The following ACVR2A variants were observed in gnomAD, a reference collection of about 807,000 sequenced individuals.
ACVR2A encodes activin A receptor type 2A.
ACVR2A carries 7 observed loss-of-function variants against 61.4 expected under a neutral mutation model. That is an observed-to-expected ratio of 0.11 (90% CI 0.06 to 0.21). The LOEUF (loss-of-function observed/expected upper bound fraction) is 0.21, where lower values mean the gene tolerates loss of function less well. Ranked by LOEUF, ACVR2A falls within the 10% of genes least tolerant of loss-of-function variation. The probability of loss-of-function intolerance (pLI) is 1.00; values close to 1 mark genes in which losing one functional copy is unlikely to be tolerated. For missense variants in ACVR2A, 322 were observed against 621.7 expected, an observed-to-expected ratio of 0.52 and a Z score of 5.13; for synonymous variants, 193 against 208.3, an observed-to-expected ratio of 0.93 and a Z score of 0.63.
intron 9 of ACVR2A, among the ~76,000 whole-genome samples, chr2:147,923,701 G>A (rs1687438902): frequency 6.6e-6 from 1 of 151,906 alleles, no homozygotes; most frequent in Admixed American, 6.6e-5. Context: ...CCTTCATAAG[G>A]TCTTTACTCT....
chr2:147,845,016 T>TTTTTTTTTTTTTTTTG (rs1558955653), upstream of ACVR2A: 3 of 210,810 alleles, frequency 1.4e-5, no homozygotes, highest in Non-Finnish European at 2.6e-5. Context: ...TTTTTTTTTT[T>TTTTTTTTTTTTTTTTG]TTTTTTTTTT....
At chr2:147,852,795 A>C (rs1685479246) in intron 1 of ACVR2A, among the ~76,000 whole-genome samples, 1 of 152,132 alleles carries the variant, frequency 6.6e-6, no homozygotes, top group African/African-American at 2.4e-5. Flanking sequence ...AAAAGACACA[A>C]AATAGCATCA....
intron 4 of ACVR2A, among the ~76,000 whole-genome samples, chr2:147,909,378 T>C (rs952889197): frequency 3.3e-5 from 5 of 152,154 alleles, no homozygotes; most frequent in East Asian, 1.9e-4. Context: ...GTAAAATTTG[T>C]TGGATGAATG....
At position 147,919,706 on chromosome 2, in the gene ACVR2A, A is replaced by G. The variant is rs537903722; in HGVS notation, c.963-524A>G. Among the ~76,000 whole-genome samples the G allele has an allele frequency of 2.6e-5, 4 of 152,230 alleles. No homozygotes were observed. The East Asian group carries it at 7.7e-4, about 29-fold the overall frequency. On this transcript the variant is annotated intron_variant, in intron 7 of 10. Coordinates refer to ENST00000241416, the MANE Select transcript of ACVR2A (RefSeq NM_001616.5). ...GATCTAGCTAGAGCAGTGTATGTTT[A>G]TGGTAAAAAGTTTCTGTTATTCATT...
intron 1 of ACVR2A, among the ~76,000 whole-genome samples, chr2:147,873,782 C>G (rs2105160937): frequency 6.6e-6 from 1 of 152,032 alleles, no homozygotes; most frequent in Admixed American, 6.6e-5. Flanking sequence ...GCTTAATATT[C>G]TATGACAAGG....
chr2:147,908,865 C>A (rs1342715988), intron 4 of ACVR2A, among the ~76,000 whole-genome samples: 1 of 152,124 alleles, frequency 6.6e-6, no homozygotes, highest in Admixed American at 6.5e-5. Context: ...ACAGATATTT[C>A]TTGGAATGGT....
chr2:147,894,719 A>G (rs1686685633), intron 1 of ACVR2A, among the ~76,000 whole-genome samples: 1 of 152,058 alleles, frequency 6.6e-6, no homozygotes, highest in Admixed American at 6.5e-5. Flanking sequence ...TTTTTGCTTG[A>G]AAACTTAAAT....
chr2:147,884,780 C>T (rs951433187), intron 1 of ACVR2A, among the ~76,000 whole-genome samples: 5 of 152,092 alleles, frequency 3.3e-5, no homozygotes, highest in African/African-American at 1.2e-4. Context: ...ATATTGTATA[C>T]CCCTTGTTTT....
At chr2:147,872,123 C>T (rs1038528756) in intron 1 of ACVR2A, among the ~76,000 whole-genome samples, 1 of 151,812 alleles carries the variant, frequency 6.6e-6, no homozygotes, top group Non-Finnish European at 1.5e-5. Flanking sequence ...TTTATTCTAC[C>T]ACAGCAAAAT....
intron 1 of ACVR2A, among the ~76,000 whole-genome samples, chr2:147,850,585 A>G (rs1685418417): frequency 1.3e-5 from 2 of 152,318 alleles, no homozygotes; most frequent in Admixed American, 6.5e-5. Flanking sequence ...TGATAGGACC[A>G]CATTAGACTT....
At chr2:147,862,737 C>CGA (rs780765980) in intron 1 of ACVR2A, among the ~76,000 whole-genome samples, 1 of 142,894 alleles carries the variant, frequency 7.0e-6, no homozygotes, top group Non-Finnish European at 1.5e-5. Flanking sequence ...GAGCGAGACT[C>CGA]TGTCTCAAAA....
intron 1 of ACVR2A, among the ~76,000 whole-genome samples, chr2:147,857,773 A>C (rs1412391269): frequency 6.6e-6 from 1 of 152,114 alleles, no homozygotes; most frequent in East Asian, 1.9e-4. Flanking sequence ...AGTAAGGATC[A>C]GAGGCTACAC....
At chr2:147,878,136 C>T (rs932351288) in intron 1 of ACVR2A, among the ~76,000 whole-genome samples, 1 of 151,938 alleles carries the variant, frequency 6.6e-6, no homozygotes, top group Non-Finnish European at 1.5e-5. Flanking sequence ...AGATTTTAGG[C>T]AGTGTTAATA....
At chr2:147,886,972 A>T (rs1686456035) in intron 1 of ACVR2A, among the ~76,000 whole-genome samples, 1 of 152,144 alleles carries the variant, frequency 6.6e-6, no homozygotes, top group Non-Finnish European at 1.5e-5. Flanking sequence ...GCACTTTGGG[A>T]GTCAGAGGCA....
chr2:147,858,205 A>G (rs2105140946), intron 1 of ACVR2A, among the ~76,000 whole-genome samples: 1 of 152,288 alleles, frequency 6.6e-6, no homozygotes, highest in East Asian at 1.9e-4. Flanking sequence ...TTTGCTGAAC[A>G]TGCAACCTTT....
intron 4 of ACVR2A, among the ~76,000 whole-genome samples, chr2:147,905,681 A>T (rs866972242): frequency 1.3e-4 from 20 of 152,142 alleles, no homozygotes; most frequent in African/African-American, 4.1e-4. Context: ...ATTACAACTT[A>T]CTTTAAATAT....
intron 4 of ACVR2A, chr2:147,900,498 A>G (rs1343110592): frequency 6.6e-6 from 1 of 152,044 alleles, no homozygotes; most frequent in Non-Finnish European, 1.5e-5. Context: ...AAGACTAAAC[A>G]CTTCTTTTAA....
intron 1 of ACVR2A, among the ~76,000 whole-genome samples, chr2:147,851,465 T>G (rs1685448380): frequency 6.6e-6 from 1 of 152,090 alleles, no homozygotes; most frequent in Non-Finnish European, 1.5e-5. Flanking sequence ...TGCTGCAGCT[T>G]CTCCTCAGCC....
chr2:147,845,586 G>A (rs1023189926), intron 1 of ACVR2A, among the ~76,000 whole-genome samples: 5 of 152,146 alleles, frequency 3.3e-5, no homozygotes, highest in African/African-American at 7.2e-5. Flanking sequence ...TTTAGTGTGG[G>A]CTCCTCCAAA....
Sources: allele counts gnomAD v4.1 joint callset (sites outside exome capture counted in the v4.1 genomes callset), GRCh38; gene constraint gnomAD v4.1.1; transcripts MANE v1.5; gene names NCBI Gene and HGNC (gene_info 2026-07-23, HGNC 2026-07-21).